The following ASB5 variants were observed in gnomAD, a reference collection of about 807,000 sequenced individuals.
The protein encoded by ASB5 is ankyrin repeat and SOCS box protein 5.
In ASB5, 45 loss-of-function variants were observed where a neutral mutation model predicts 42.1. The observed-to-expected ratio is 1.07, with a 90% CI of 0.84 to 1.37. The LOEUF (loss-of-function observed/expected upper bound fraction) is 1.37. ASB5 is among the 40% of genes most tolerant of loss of function. ASB5 has a pLI of 0.00. For synonymous variants in ASB5, 147 were observed against 150.6 expected (o/e 0.98, Z 0.18); for missense variants, 402 against 399.8 (o/e 1.01, Z -0.05).
intron 1 of ASB5, chr4:176,241,347 C>T (rs1753807183): frequency 1.2e-6 from 1 of 816,220 alleles, no homozygotes. Context: ...GTGTAAGTTT[C>T]CCATCCTTAG....
chr4:176,236,168 T>A (rs63319960), intron 1 of ASB5, among the ~76,000 whole-genome samples: 1 of 66,952 alleles, frequency 1.5e-5, no homozygotes, highest in Admixed American at 1.8e-4. Context: ...GTTTACTTAA[T>A]TTTTTTTTTT....
At chr4:176,223,538 A>G (rs1244682139) in intron 2 of ASB5, among the ~76,000 whole-genome samples, 1 of 152,236 alleles carries the variant, frequency 6.6e-6, no homozygotes, top group African/African-American at 2.4e-5. Flanking sequence ...TGACAATCAT[A>G]CTAAGCACTG....
At chr4:176,270,464 G>A (rs1349267463), upstream of ASB5, among the ~76,000 whole-genome samples, 1 of 152,010 alleles carries the variant, frequency 6.6e-6, no homozygotes, top group African/African-American at 2.4e-5. Flanking sequence ...AGAAATGGCT[G>A]TAAAATAAAT....
At chr4:176,239,682 T>C (rs963584235) in intron 1 of ASB5, among the ~76,000 whole-genome samples, 19 of 152,152 alleles carry the variant, frequency 1.2e-4, no homozygotes, top group Admixed American at 1.2e-3. Flanking sequence ...TGGAATTTTC[T>C]AGAATGCTTT....
In ASB5 at chr4:176,219,139, T is replaced by TATATAAATATATATTTATATGAC. The variant is rs1753090622; in HGVS notation, c.670+2015_670+2016insGTCATATAAATATATATTTATAT. On this transcript the variant is annotated intron_variant, in intron 5 of 6. Transcript: ENST00000296525. ...TTGTATGATATATATATTTGTATGA[T>TATATAAATATATATTTATATGAC]ATATAAATATATATTTGTATGACAT... Among the ~76,000 whole-genome samples the TATATAAATATATATTTATATGAC allele has an allele frequency of 2.5e-5, 3 of 118,616 alleles. 1 individual carries two copies. The highest frequency in any genetic ancestry group is 4.7e-5 in the Non-Finnish European group (3 of 63,436). 77.8% of individuals were successfully genotyped at this position (118,616 alleles called of 152,430 possible). A position where few individuals can be genotyped will look rare whatever the true frequency, so the allele number is the denominator to read the frequency against.
intron 1 of ASB5, among the ~76,000 whole-genome samples, chr4:176,257,793 G>A (rs911252678): frequency 6.6e-6 from 1 of 152,178 alleles, no homozygotes; most frequent in Non-Finnish European, 1.5e-5. Context: ...ACCATGGAGT[G>A]GAAGAGGAAT....
intron 1 of ASB5, among the ~76,000 whole-genome samples, chr4:176,248,644 A>T (rs1753957422): frequency 6.6e-6 from 1 of 152,212 alleles, no homozygotes; most frequent in Admixed American, 6.5e-5. Context: ...TTGGTAATGG[A>T]ATTTACATTA....
intron 6 of ASB5, among the ~76,000 whole-genome samples, 192 bp downstream of exon 6, chr4:176,216,626 G>T (rs1752977440): frequency 6.6e-6 from 1 of 152,186 alleles, no homozygotes; most frequent in Non-Finnish European, 1.5e-5. Flanking sequence ...TGGGATTACA[G>T]GTGTGAGCCA....
At chr4:176,237,634 G>T in intron 1 of ASB5, 1 of 924,876 alleles carries the variant, frequency 1.1e-6, no homozygotes, top group Non-Finnish European at 1.3e-6. Flanking sequence ...GGATGGGCCA[G>T]AAATGCTGGA....
intron 1 of ASB5, chr4:176,241,842 C>G (rs1194827235): frequency 5.3e-6 from 1 of 188,014 alleles, no homozygotes; most frequent in African/African-American, 2.4e-5. Context: ...TATCTCCTCT[C>G]CTATAGGAGA....
chr4:176,216,343 T>G (rs1015486410), intron 6 of ASB5, among the ~76,000 whole-genome samples: 4 of 152,142 alleles, frequency 2.6e-5, no homozygotes, highest in Non-Finnish European at 1.5e-5. Flanking sequence ...AAGAGAAAAT[T>G]AAAATTATCA....
chr4:176,273,994 G>A (rs6820078), upstream of ASB5, among the ~76,000 whole-genome samples: 34,037 of 152,050 alleles, frequency 0.22, 3,843 homozygotes, highest in East Asian at 0.27. Flanking sequence ...CGGCTCTCGA[G>A]AAGGTTACTT....
Position 176,248,770 on chromosome 4 carries a change from G to A in ASB5, c.196+20143C>T, listed in dbSNP as rs558720763. Among the ~76,000 whole-genome samples the A allele has an allele frequency of 1.3e-3, 194 of 152,142 alleles. 2 individuals are homozygous for A. In the Middle Eastern group the frequency reaches 0.034, roughly 27 times the overall value. ...TCAATTAATATAGGGTTCAAAAATA[G>A]GTTAAACCATATCAATATGAGATGT... On this transcript the variant is annotated intron_variant, in intron 1 of 6. Transcript: ENST00000296525.
rs550566159 is a variant in ASB5, at chr4:176,269,186, G to A, written c.-78C>T. The stretch of plus-strand genomic sequence containing the variant: ...CCTGGCTCTCGTCCGGGATGCTCCT[G>A]AACAGCTGGTCCTGAGGAAAGAAAA... On this transcript the variant is annotated 5_prime_UTR_variant, in exon 1 of 7. Coordinates refer to ENST00000296525, the MANE Select transcript of ASB5 (RefSeq NM_080874.4). 1.5e-6 allele frequency: 2 copies of A among 1,329,534 alleles called. No homozygotes were observed. Among genetic ancestry groups the A allele is most frequent in the Admixed American group, 3.9e-5 (2 of 50,922 alleles). 82.4% of individuals were successfully genotyped at this position (1,329,534 alleles called of 1,614,324 possible). A position where few individuals can be genotyped will look rare whatever the true frequency, so the allele number is the denominator to read the frequency against.
intron 5 of ASB5, among the ~76,000 whole-genome samples, chr4:176,218,299 T>C (rs1409192463): frequency 1.1e-5 from 1 of 94,200 alleles, no homozygotes; most frequent in Non-Finnish European, 2.0e-5. Flanking sequence ...ATTTGTATGA[T>C]ATATAAATAT....
chr4:176,216,754 C>T, intron 6 of ASB5, 64 bp downstream of exon 6: 1 of 1,356,342 alleles, frequency 7.4e-7, no homozygotes, highest in Non-Finnish European at 1.0e-6. Flanking sequence ...AAAACTCTCT[C>T]ACTTTCATCT....
intron 6 of ASB5, among the ~76,000 whole-genome samples, chr4:176,216,458 C>G (rs555517300): frequency 1.4e-3 from 218 of 152,242 alleles, no homozygotes; most frequent in African/African-American, 5.1e-3. Flanking sequence ...TCAAGTGATT[C>G]TCCTTCCGCA....
At chr4:176,221,756 C>A (rs1753219804) in intron 3 of ASB5, among the ~76,000 whole-genome samples, 156 bp from the exon 4 acceptor site, 1 of 151,930 alleles carries the variant, frequency 6.6e-6, no homozygotes, top group Admixed American at 6.6e-5. Flanking sequence ...TATGCATTAA[C>A]AAGAAAAGCT....
intron 1 of ASB5, among the ~76,000 whole-genome samples, chr4:176,239,638 G>T (rs909461586): frequency 2.6e-5 from 4 of 152,112 alleles, no homozygotes; most frequent in African/African-American, 9.7e-5. Flanking sequence ...TAAGCCGTGG[G>T]CACTAAAAGA....
Sources: gnomAD v4.1 joint callset for allele counts (sites outside exome capture counted in the v4.1 genomes callset) on GRCh38, gnomAD v4.1.1 for gene constraint, MANE v1.5 for transcripts, NCBI Gene and HGNC (gene_info 2026-07-23, HGNC 2026-07-21) for gene names.